The following ABLIM2 variants were observed in gnomAD, a reference collection of about 807,000 sequenced individuals.
The protein encoded by ABLIM2 is actin-binding LIM protein 2.
ABLIM2 carries 53 observed loss-of-function variants against 97.7 expected under a neutral mutation model. The observed-to-expected ratio is 0.54, with a 90% CI of 0.44 to 0.68. The LOEUF (loss-of-function observed/expected upper bound fraction) is 0.68, where lower values mean the gene tolerates loss of function less well. Among genes scored for constraint, ABLIM2 ranks in the 30% least tolerant of loss-of-function variants. ABLIM2 has a pLI of 0.00. For synonymous variants in ABLIM2, 361 were observed against 345.8 expected (o/e 1.04, Z -0.49); for missense variants, 835 against 867.2 (o/e 0.96, Z 0.47).
chr4:8,062,316 T>C (rs369212771), intron 6 of ABLIM2, among the ~76,000 whole-genome samples: 177 of 152,126 alleles, frequency 1.2e-3, no homozygotes, highest in South Asian at 9.3e-3. Context: ...CGTCAGGGAG[T>C]ACCAGGTGCA....
chr4:8,076,054 C>G (rs1318792685), intron 6 of ABLIM2, among the ~76,000 whole-genome samples: 1 of 152,194 alleles, frequency 6.6e-6, no homozygotes, highest in Non-Finnish European at 1.5e-5. Flanking sequence ...GGAGGACATC[C>G]CTCTCAGAGC....
rs751070669 is a variant in ABLIM2 at position 8,087,108 on chromosome 4, G to C, written c.454+1061C>G. 1.3e-5 allele frequency among the ~76,000 whole-genome samples: 2 copies of C among 152,210 alleles called. No individual in the cohort carries two copies. Among genetic ancestry groups the C allele is most frequent in the African/African-American group, 2.4e-5 (1 of 41,448 alleles). On this transcript the variant is annotated intron_variant, in intron 4 of 20. Transcript: ENST00000447017. This position sits in a 1 kb window ranked among gnomAD's most constrained non-coding sequence, Gnocchi z 4.6. ...GAAAGGAGGCATTTGACACAGGAGA[G>C]GAAATTAATTGCGGGCAAGATGTTG... is the stretch of plus-strand genomic sequence containing the variant.
At chr4:8,041,983 C>T (rs1026962370) in intron 9 of ABLIM2, among the ~76,000 whole-genome samples, 5 of 152,118 alleles carry the variant, frequency 3.3e-5, no homozygotes, top group African/African-American at 1.2e-4. Context: ...ACAGCAGCAA[C>T]AACAGCAACA....
At chr4:8,020,329 A>G in intron 12 of ABLIM2, 26 bp from the exon 13 acceptor site, 1 of 1,588,414 alleles carries the variant, frequency 6.3e-7, no homozygotes, top group South Asian at 1.1e-5. Context: ...CAAAGGCAGC[A>G]GATAGAAGGG....
chr4:7,977,611 G>A lies in ABLIM2; in HGVS notation c.1824+5653C>T, dbSNP rs544950676. 6.3e-4 allele frequency among the ~76,000 whole-genome samples: 96 copies of A among 152,112 alleles called. 1 individual carries two copies. Among genetic ancestry groups the A allele is most frequent in the African/African-American group, 2.3e-3 (94 of 41,472 alleles). Reference sequence around the variant, plus strand: ...TTGAGACCAGCCTGGCCACCATGGTGAAACCCCATCTCTATTAAAAACACA... The same window carrying A: ...TTGAGACCAGCCTGGCCACCATGGTAAAACCCCATCTCTATTAAAAACACA... On this transcript the variant is annotated intron_variant, in intron 20 of 20. Coordinates refer to ENST00000447017, the MANE Select transcript of ABLIM2 (RefSeq NM_001130083.2).
intron 1 of ABLIM2, among the ~76,000 whole-genome samples, chr4:8,153,534 C>T (rs1052989294): frequency 2.0e-5 from 3 of 152,178 alleles, no homozygotes; most frequent in Admixed American, 6.5e-5. Context: ...GGGGGTCTGG[C>T]TTCTGCTGCA....
chr4:8,142,324 C>G (rs1043146465), intron 1 of ABLIM2, among the ~76,000 whole-genome samples: 1 of 152,214 alleles, frequency 6.6e-6, no homozygotes, highest in Non-Finnish European at 1.5e-5. Flanking sequence ...GGCATGGACT[C>G]TGCCTCACCT....
At chr4:8,064,503 C>T (rs1006596546) in intron 6 of ABLIM2, among the ~76,000 whole-genome samples, 2 of 152,220 alleles carry the variant, frequency 1.3e-5, no homozygotes, top group African/African-American at 4.8e-5. Context: ...GGATGTGCCC[C>T]CTTCACGCTG....
At chr4:8,137,345 C>G (rs542464694) in intron 1 of ABLIM2, among the ~76,000 whole-genome samples, 22 of 152,340 alleles carry the variant, frequency 1.4e-4, no homozygotes, top group African/African-American at 5.0e-4. Context: ...GCATGAACCC[C>G]GGACAAGTGG....
At chr4:8,142,175 G>A (rs1295205552) in intron 1 of ABLIM2, among the ~76,000 whole-genome samples, 2 of 152,198 alleles carry the variant, frequency 1.3e-5, no homozygotes, top group South Asian at 2.1e-4. Context: ...GACAGCAAGG[G>A]CCAGGACACT....
chr4:8,057,808 G>A lies in ABLIM2; in HGVS notation c.763+3159C>T, dbSNP rs141613826. On this transcript the variant is annotated intron_variant, in intron 7 of 20. Coordinates refer to ENST00000447017, the MANE Select transcript of ABLIM2 (RefSeq NM_001130083.2). ...GTCGCTGGGGCCCATGCTTTTCAGAGCCTTTATTGCAGCAGGATTTGCCAG... is the reference window on the plus strand; with the variant it reads ...GTCGCTGGGGCCCATGCTTTTCAGAACCTTTATTGCAGCAGGATTTGCCAG... Among the ~76,000 whole-genome samples, 92 of 152,332 alleles carry A rather than the reference G, an allele frequency of 6.0e-4. 2 individuals are homozygous for A. In the East Asian group the frequency reaches 0.017, roughly 29 times the overall value.
intron 14 of ABLIM2, among the ~76,000 whole-genome samples, chr4:8,016,015 T>A (rs992952271): frequency 1.4e-4 from 21 of 151,152 alleles, no homozygotes; most frequent in Admixed American, 1.3e-3. Flanking sequence ...CTGTCTGTAA[T>A]AAGAGGTGAT....
chr4:8,024,271 C>A (rs1033023886), intron 12 of ABLIM2, among the ~76,000 whole-genome samples: 11 of 152,184 alleles, frequency 7.2e-5, no homozygotes, highest in African/African-American at 9.7e-5. Context: ...GCACTTCCTG[C>A]CCCCGCTGTC....
rs1257569602 is a variant in ABLIM2, at chr4:8,046,243, C to T, written c.823-1002G>A. Among the ~76,000 whole-genome samples the T allele has an allele frequency of 2.0e-5, 3 of 152,136 alleles. No individual in the cohort carries two copies. The highest frequency in any genetic ancestry group is 4.4e-5 in the Non-Finnish European group (3 of 68,018). ...GTCCTGCCTCTCCCCCCACCTCAGC[C>T]CCCTCCAGCCCTGCGGACACACTCC... On this transcript the variant is annotated intron_variant, in intron 8 of 20. Transcript: ENST00000447017. The surrounding 1 kb of genome is among the most constrained non-coding windows in gnomAD (Gnocchi z 4.4).
At position 8,015,121 on chromosome 4, in the gene ABLIM2, A is replaced by G. The variant is rs1220319552; in HGVS notation, c.1423+4497T>C. Among the ~76,000 whole-genome samples the G allele has an allele frequency of 1.3e-5, 2 of 151,962 alleles. No individual in the cohort carries two copies. The highest frequency in any genetic ancestry group is 2.4e-5 in the African/African-American group (1 of 41,370). Reference sequence around the variant, plus strand: ...TTGTTAGTGGAGACGGGGTTTCACCATGTTGGCCAGGCTGGTCTCGAATGC... The same window carrying G: ...TTGTTAGTGGAGACGGGGTTTCACCGTGTTGGCCAGGCTGGTCTCGAATGC... On this transcript the variant is annotated intron_variant, in intron 14 of 20. Coordinates refer to ENST00000447017, the MANE Select transcript of ABLIM2 (RefSeq NM_001130083.2). This position sits in a 1 kb window ranked among gnomAD's most constrained non-coding sequence, Gnocchi z 4.6.
intron 1 of ABLIM2, among the ~76,000 whole-genome samples, chr4:8,138,295 T>C (rs947263239): frequency 1.3e-5 from 2 of 152,228 alleles, no homozygotes; most frequent in Non-Finnish European, 2.9e-5. Context: ...CTGAATGGTA[T>C]GCTTAAAAAT....
intron 2 of ABLIM2, among the ~76,000 whole-genome samples, chr4:8,102,124 G>A (rs887686350): frequency 9.9e-5 from 15 of 152,194 alleles, no homozygotes; most frequent in African/African-American, 2.7e-4. Context: ...TCAAAGCCAC[G>A]GTCTTTGCAG....
Position 8,113,884 on chromosome 4 carries a change from C to A in ABLIM2, c.11-7247G>T, listed in dbSNP as rs1841528297. The stretch of plus-strand genomic sequence containing the variant: ...TTCACACCTTTCCTTCTGACCATGG[C>A]AACGAGCAGAGCAATACAGAGAGGG... On this transcript the variant is annotated intron_variant, in intron 1 of 20. Transcript: ENST00000447017. The surrounding 1 kb of genome is among the most constrained non-coding windows in gnomAD (Gnocchi z 4.5). Among the ~76,000 whole-genome samples, 1 of 152,178 alleles carries A rather than the reference C, an allele frequency of 6.6e-6. No individual in the cohort carries two copies.
rs1578542348 is a variant in ABLIM2 at position 8,149,748 on chromosome 4, T to C, written c.10+8932A>G. ...AGAGCTCTGAGCCCTTGGGAGGCTG[T>C]TGACTGCTGGACACAGAGAAGGCCC... On this transcript the variant is annotated intron_variant, in intron 1 of 20. Coordinates refer to ENST00000447017, the MANE Select transcript of ABLIM2 (RefSeq NM_001130083.2). This position sits in a 1 kb window ranked among gnomAD's most constrained non-coding sequence, Gnocchi z 6.4. Among the ~76,000 whole-genome samples, 2 of 152,120 alleles carry C rather than the reference T, an allele frequency of 1.3e-5. No homozygotes were observed. Among genetic ancestry groups the C allele is most frequent in the East Asian group, 3.9e-4 (2 of 5,136 alleles).
Sources: allele counts gnomAD v4.1 joint callset (sites outside exome capture counted in the v4.1 genomes callset), GRCh38; gene constraint gnomAD v4.1.1; non-coding constraint Gnocchi (gnomAD v3.1); transcripts MANE v1.5; gene names NCBI Gene and HGNC (gene_info 2026-07-23, HGNC 2026-07-21).